Variants in STOX2 observed in about 807,000 individuals in gnomAD.
STOX2 encodes storkhead-box protein 2.
A neutral mutation model predicts 60.9 loss-of-function variants in STOX2; 28 were observed. That is an observed-to-expected ratio of 0.46 (90% confidence interval 0.34 to 0.63). The LOEUF is 0.63. STOX2 is among the 30% of genes least tolerant of loss of function. The pLI is 0.01. For synonymous variants in STOX2, 472 were observed against 463.9 expected (o/e 1.02, Z -0.22); for missense variants, 1,024 against 1,187.7 (o/e 0.86, Z 2.03).
intron 1 of STOX2, among the ~76,000 whole-genome samples, chr4:183,845,684 C>T (rs1739968072): frequency 6.6e-6 from 1 of 152,194 alleles, no homozygotes; most frequent in African/African-American, 2.4e-5. Context: ...CCATTCAATG[C>T]TTTGGGAATG....
Position 184,011,626 on chromosome 4 carries a change from A to T in STOX2, c.2585+203A>T. 1 of 1,513,824 alleles carries T rather than the reference A, an allele frequency of 6.6e-7. No homozygotes were observed. The highest frequency in any genetic ancestry group is 8.8e-7 in the Non-Finnish European group (1 of 1,134,166). 93.8% of individuals were successfully genotyped at this position (1,513,824 alleles called of 1,614,324 possible). ...GTTTCTGCACCTGTAGAGATCACCA[A>T]TCTGGACTGGTGGGTTGGCTCCTCC... On this transcript the variant is annotated intron_variant, in intron 3 of 3. Transcript: ENST00000308497. This position sits in a 1 kb window ranked among gnomAD's most constrained non-coding sequence, Gnocchi z 4.4.
At chr4:183,870,962 TAAG>T (rs1740674779) in intron 1 of STOX2, among the ~76,000 whole-genome samples, 1 of 152,210 alleles carries the variant, frequency 6.6e-6, no homozygotes, top group Non-Finnish European at 1.5e-5. Context: ...AAGTTAAACT[TAAG>T]AAGCCTAGAA....
intron 1 of STOX2, among the ~76,000 whole-genome samples, chr4:183,897,354 T>C (rs1194721698): frequency 6.6e-6 from 1 of 152,234 alleles, no homozygotes; most frequent in Non-Finnish European, 1.5e-5. Flanking sequence ...TCTGGCTTTG[T>C]AGATGACTGT....
intron 1 of STOX2, among the ~76,000 whole-genome samples, chr4:183,866,508 T>A (rs1740571247): frequency 6.6e-6 from 1 of 152,156 alleles, no homozygotes; most frequent in South Asian, 2.1e-4. Context: ...TTTGCCTGAT[T>A]TATGAAGAAG....
intron 1 of STOX2, among the ~76,000 whole-genome samples, chr4:183,829,438 C>T (rs997949520): frequency 6.6e-6 from 1 of 152,180 alleles, no homozygotes; most frequent in African/African-American, 2.4e-5. Context: ...CACTTGCAGG[C>T]CTTTCCAACC....
At chr4:183,935,127 GT>G (rs1330932534) in intron 1 of STOX2, among the ~76,000 whole-genome samples, 3 of 152,242 alleles carry the variant, frequency 2.0e-5, no homozygotes, top group African/African-American at 4.8e-5. Context: ...GTAAAATGGA[GT>G]TCTGTTCTAA....
chr4:183,850,774 TCTC>T (rs1236789905), intron 1 of STOX2, among the ~76,000 whole-genome samples: 2 of 151,800 alleles, frequency 1.3e-5, no homozygotes, highest in African/African-American at 4.8e-5. Context: ...GTTGCCACCT[TCTC>T]CTCCATTCTT....
chr4:183,970,400 C>T (rs539872080), intron 1 of STOX2, among the ~76,000 whole-genome samples: 1 of 152,236 alleles, frequency 6.6e-6, no homozygotes, highest in African/African-American at 2.4e-5. Context: ...ACTGTTTTCT[C>T]AGTTGGGTTG....
intron 1 of STOX2, among the ~76,000 whole-genome samples, chr4:183,978,132 G>C (rs1374662842): frequency 6.6e-6 from 1 of 151,852 alleles, no homozygotes; most frequent in Non-Finnish European, 1.5e-5. Context: ...TTTTGTTTTT[G>C]TTGCATTTCC....
chr4:184,002,994 G>T (rs1486282390), intron 2 of STOX2, among the ~76,000 whole-genome samples: 1 of 152,186 alleles, frequency 6.6e-6, no homozygotes, highest in Non-Finnish European at 1.5e-5. Context: ...TATTATCTCT[G>T]AATATTCTTC....
At chr4:183,812,990 A>G (rs559207144) in intron 1 of STOX2, among the ~76,000 whole-genome samples, 2 of 152,380 alleles carry the variant, frequency 1.3e-5, no homozygotes, top group Non-Finnish European at 2.9e-5. Context: ...TTATTTAAAA[A>G]AATAATTTGC....
At chr4:183,801,490 G>A (rs1738761643) in intron 1 of STOX2, among the ~76,000 whole-genome samples, 1 of 152,250 alleles carries the variant, frequency 6.6e-6, no homozygotes, top group Non-Finnish European at 1.5e-5. Context: ...TCTGACATAA[G>A]AAATTGAGAG....
intron 1 of STOX2, among the ~76,000 whole-genome samples, chr4:183,824,985 C>T (rs1739388531): frequency 6.6e-6 from 1 of 152,332 alleles, no homozygotes; most frequent in African/African-American, 2.4e-5. Flanking sequence ...CTCTTCTTGG[C>T]CTGCACAATT....
rs545188297 is a variant in STOX2 at position 184,008,873 on chromosome 4, C to G, written c.320-285C>G. Among the ~76,000 whole-genome samples the G allele has an allele frequency of 5.9e-5, 9 of 152,130 alleles. No individual in the cohort carries two copies. In the South Asian group the frequency reaches 8.3e-4, roughly 14 times the overall value. On this transcript the variant is annotated intron_variant, in intron 2 of 3. Coordinates refer to ENST00000308497, the MANE Select transcript of STOX2 (RefSeq NM_020225.3). ...AATATTCTGTCTTTCCTGTTTCGTT[C>G]AGGAAACAGGAAACAACAGGTAACA...
At chr4:183,891,715 C>T (rs1273995947) in intron 1 of STOX2, among the ~76,000 whole-genome samples, 1 of 151,850 alleles carries the variant, frequency 6.6e-6, no homozygotes, top group Non-Finnish European at 1.5e-5. Flanking sequence ...AAAAAACTTA[C>T]TTATGTCGCC....
rs1172221136 is a variant in STOX2, at chr4:184,009,265, A to G, written c.427A>G (p.Thr143Ala). Reference sequence around the variant, plus strand: ...TGGCTACTTCATCGTGACCCCACAGACTTATTTCATAACTCCTTCCCTCAT... The same window carrying G: ...TGGCTACTTCATCGTGACCCCACAGGCTTATTTCATAACTCCTTCCCTCAT... ...PDGYFIVTPQ[T>A]YFITPSLIRT... is the part of the protein sequence containing the mutation. Residue 143 changes from threonine (T) to alanine (A), a missense_variant, in exon 3 of 4, where the codon ACT becomes GCT. Transcript: ENST00000308497. The surrounding 1 kb of genome is among the most constrained non-coding windows in gnomAD (Gnocchi z 4.0). 3 of 1,613,586 alleles carry G rather than the reference A, an allele frequency of 1.9e-6. No homozygotes were observed. Among genetic ancestry groups the G allele is most frequent in the Admixed American group, 1.7e-5 (1 of 59,970 alleles).
chr4:183,875,719 A>G (rs1740814134), intron 1 of STOX2, among the ~76,000 whole-genome samples: 1 of 152,068 alleles, frequency 6.6e-6, no homozygotes, highest in Non-Finnish European at 1.5e-5. Flanking sequence ...TTAGTCTCAC[A>G]TGAGTACTTT....
intron 1 of STOX2, among the ~76,000 whole-genome samples, chr4:183,851,110 C>CGATGAGGGAAAG (rs1740118170): frequency 7.5e-5 from 1 of 13,344 alleles, no homozygotes; most frequent in Admixed American, 9.4e-4. Flanking sequence ...ATGAGGGAAA[C>CGATGAGGGAAAG]GATGAGGGAA....
At chr4:183,936,286 G>A (rs959396038) in intron 1 of STOX2, among the ~76,000 whole-genome samples, 6 of 152,158 alleles carry the variant, frequency 3.9e-5, no homozygotes, top group African/African-American at 9.7e-5. Context: ...CTATAGCCTC[G>A]TGTAGCCTAG....
Sources: gnomAD v4.1 joint callset for allele counts (sites outside exome capture counted in the v4.1 genomes callset) on GRCh38, gnomAD v4.1.1 for gene constraint, Gnocchi (gnomAD v3.1) non-coding constraint, MANE v1.5 for transcripts, NCBI Gene and HGNC (gene_info 2026-07-23, HGNC 2026-07-21) for gene names.